The following TMEM117 variants were observed in gnomAD, a reference collection of about 807,000 sequenced individuals.
The protein encoded by TMEM117 is transmembrane protein 117.
In TMEM117, 27 loss-of-function variants were observed where a neutral mutation model predicts 52.4. That is an observed-to-expected ratio of 0.51 (90% CI 0.38 to 0.71). The LOEUF (loss-of-function observed/expected upper bound fraction) is 0.71. Among genes scored for constraint, TMEM117 ranks in the 30% least tolerant of loss-of-function variants. TMEM117 has a pLI of 0.00. For synonymous variants in TMEM117, 215 were observed against 206.3 expected (o/e 1.04, Z -0.36); for missense variants, 556 against 630.5 (o/e 0.88, Z 1.26).
intron 5 of TMEM117, among the ~76,000 whole-genome samples, chr12:44,282,276 G>C (rs144547385): frequency 1.3e-5 from 2 of 152,192 alleles, no homozygotes; most frequent in South Asian, 4.2e-4. Flanking sequence ...AGAGTGGGAC[G>C]TTGCTGAAAA....
At chr12:43,799,555 G>T in the TMEM117 span, 2 of 1,068,564 alleles carry the variant, frequency 1.9e-6, no homozygotes, top group East Asian at 2.7e-5. Flanking sequence ...TAAAATGACA[G>T]TGAAGTTACT....
intron 4 of TMEM117, among the ~76,000 whole-genome samples, chr12:44,164,732 T>C (rs1298657178): frequency 1.3e-5 from 2 of 152,188 alleles, no homozygotes; most frequent in African/African-American, 4.8e-5. Flanking sequence ...AGGCAGAAGG[T>C]GTGAGCCTGT....
intron 3 of TMEM117, among the ~76,000 whole-genome samples, chr12:44,072,453 G>T (rs552716350): frequency 2.0e-5 from 3 of 152,042 alleles, no homozygotes; most frequent in African/African-American, 2.4e-5. Flanking sequence ...CAAGAATTAG[G>T]TCCCTGGGTT....
At chr12:44,041,768 C>T (rs2137898231) in intron 3 of TMEM117, among the ~76,000 whole-genome samples, 1 of 152,262 alleles carries the variant, frequency 6.6e-6, no homozygotes. Flanking sequence ...AAAGCCAATC[C>T]ACCATGATCA....
chr12:43,995,841 T>C (rs2407789), intron 3 of TMEM117, among the ~76,000 whole-genome samples: 119,264 of 152,184 alleles, frequency 0.78, 49,660 homozygotes, highest in East Asian at 0.91. Flanking sequence ...AATTAACAAC[T>C]GATGTGATTT....
At chr12:43,953,302 T>C (rs957865770) in intron 3 of TMEM117, among the ~76,000 whole-genome samples, 3 of 152,090 alleles carry the variant, frequency 2.0e-5, no homozygotes, top group African/African-American at 7.2e-5. Flanking sequence ...TACGTAATAA[T>C]ATTAACCTGA....
At chr12:43,913,015 G>T (rs1428068142) in intron 2 of TMEM117, among the ~76,000 whole-genome samples, 1 of 152,170 alleles carries the variant, frequency 6.6e-6, no homozygotes, top group African/African-American at 2.4e-5. Flanking sequence ...GAACTGTTTT[G>T]AGAAGTGGAA....
intron 3 of TMEM117, among the ~76,000 whole-genome samples, chr12:44,005,996 TC>T (rs1946188661): frequency 6.6e-6 from 1 of 152,176 alleles, no homozygotes; most frequent in African/African-American, 2.4e-5. Context: ...AACCTTTTTT[TC>T]CTATATAAAT....
At chr12:44,136,065 C>A (rs1485979566) in intron 3 of TMEM117, among the ~76,000 whole-genome samples, 1 of 152,066 alleles carries the variant, frequency 6.6e-6, no homozygotes, top group Non-Finnish European at 1.5e-5. Context: ...AAACTTATGG[C>A]AATGCATTGT....
chr12:44,344,883 A>G (rs562251476), intron 6 of TMEM117, among the ~76,000 whole-genome samples: 18 of 152,154 alleles, frequency 1.2e-4, no homozygotes, highest in African/African-American at 3.9e-4. Flanking sequence ...GTAGGATTGC[A>G]GGGTCTCTTA....
chr12:43,928,619 G>A (rs1274340187), intron 2 of TMEM117, among the ~76,000 whole-genome samples: 1 of 151,674 alleles, frequency 6.6e-6, no homozygotes, highest in East Asian at 1.9e-4. Context: ...TATACTTTAA[G>A]TTTTAGGGTA....
At chr12:44,228,533 T>C (rs1949892151) in intron 5 of TMEM117, among the ~76,000 whole-genome samples, 1 of 152,012 alleles carries the variant, frequency 6.6e-6, no homozygotes, top group South Asian at 2.1e-4. Context: ...AATCAATAAA[T>C]CCCATAATGG....
chr12:44,257,770 C>T (rs745666985), intron 5 of TMEM117, among the ~76,000 whole-genome samples: 13 of 151,884 alleles, frequency 8.6e-5, no homozygotes, highest in Non-Finnish European at 5.9e-5. Context: ...TTTTCCTCTC[C>T]GAACAAAAAT....
At chr12:43,797,497 G>T in the TMEM117 span, 1 of 1,466,702 alleles carries the variant, frequency 6.8e-7, no homozygotes, top group East Asian at 2.4e-5. Flanking sequence ...CAGATATAAG[G>T]AAATTAAGTT....
chr12:44,164,473 C>T (rs1175246203), intron 4 of TMEM117, among the ~76,000 whole-genome samples: 2 of 152,112 alleles, frequency 1.3e-5, no homozygotes, highest in African/African-American at 4.8e-5. Context: ...GTTTTCCATT[C>T]CTGAGTTACT....
intron 4 of TMEM117, among the ~76,000 whole-genome samples, chr12:44,167,803 T>A (rs1025953120): frequency 3.4e-4 from 52 of 152,312 alleles, no homozygotes; most frequent in African/African-American, 1.2e-3. Flanking sequence ...TGTCTATAGG[T>A]TCACAGTTCT....
At chr12:44,299,541 A>T in intron 5 of TMEM117, 39 bp from the exon 6 acceptor site, 3 of 1,607,850 alleles carry the variant, frequency 1.9e-6, no homozygotes, top group Admixed American at 3.4e-5. Flanking sequence ...TCTATATTTT[A>T]TGCCTTATGT....
chr12:44,250,518 A>T (rs1565636995), intron 5 of TMEM117, among the ~76,000 whole-genome samples: 1 of 152,208 alleles, frequency 6.6e-6, no homozygotes, highest in Non-Finnish European at 1.5e-5. Flanking sequence ...AAATCATTCT[A>T]CTATAAAGAC....
chr12:44,335,708 A>G (rs1951332319), intron 6 of TMEM117, among the ~76,000 whole-genome samples: 1 of 152,048 alleles, frequency 6.6e-6, no homozygotes, highest in African/African-American at 2.4e-5. Context: ...GAAGCTTTTC[A>G]CTTTTTTGTT....
Sources: allele counts gnomAD v4.1 joint callset (sites outside exome capture counted in the v4.1 genomes callset), GRCh38; gene constraint gnomAD v4.1.1; transcripts MANE v1.5; gene names NCBI Gene and HGNC (gene_info 2026-07-23, HGNC 2026-07-21).